Variants in MAD1L1 observed in about 807,000 individuals in gnomAD.
MAD1L1 encodes the protein mitotic arrest deficient 1 like 1.
A neutral mutation model predicts 96.9 loss-of-function variants in MAD1L1; 95 were observed. The ratio of observed to expected loss-of-function variants is 0.98; its 90% confidence interval spans 0.83 to 1.16. MAD1L1 has a LOEUF of 1.16. MAD1L1 is among the 50% of genes most tolerant of loss of function. MAD1L1 has a pLI of 0.00. For missense variants in MAD1L1, 1,007 were observed against 954.4 expected, an observed-to-expected ratio of 1.06 and a Z score of -0.73; for synonymous variants, 473 against 396.6, an observed-to-expected ratio of 1.19 and a Z score of -2.29.
intron 11 of MAD1L1, among the ~76,000 whole-genome samples, chr7:2,083,535 G>A (rs988482543): frequency 7.2e-5 from 11 of 152,222 alleles, no homozygotes; most frequent in African/African-American, 2.4e-4. Context: ...GTAAATCAGC[G>A]GAGAGGCCTC....
Position 2,071,285 on chromosome 7 carries a change from T to C in MAD1L1, c.1074-1947A>G, listed in dbSNP as rs149898879. 7.2e-5 allele frequency among the ~76,000 whole-genome samples: 11 copies of C among 152,342 alleles called. No individual in the cohort carries two copies. The South Asian group carries it at 1.9e-3, about 26-fold the overall frequency. On this transcript the variant is annotated intron_variant, in intron 11 of 18. Coordinates refer to ENST00000265854, the MANE Select transcript of MAD1L1 (RefSeq NM_001013836.2). ...ACACTCACAGAACGTCAGAAGGGAC[T>C]TGGTGGCGGTCCTGACCCAGCCAAG...
chr7:2,048,116 T>G (rs1784012764), intron 12 of MAD1L1, among the ~76,000 whole-genome samples: 1 of 152,130 alleles, frequency 6.6e-6, no homozygotes, highest in African/African-American at 2.4e-5. Context: ...ACGCACACAG[T>G]AATGCTCATG....
chr7:1,815,973 A>G lies in MAD1L1; in HGVS notation c.*97T>C, dbSNP rs1781772767. The stretch of plus-strand genomic sequence containing the variant: ...TCATGCTGCTGCCCTGTGGGGCTGG[A>G]GAGGCAGGACGTGCACCCAGCCTGT... On this transcript the variant is annotated 3_prime_UTR_variant, in exon 19 of 19. Transcript: ENST00000265854. The G allele has an allele frequency of 7.4e-7, 1 of 1,355,088 alleles. No individual in the cohort carries two copies. 83.9% of individuals were successfully genotyped at this position (1,355,088 alleles called of 1,614,324 possible). A position where few individuals can be genotyped will look rare whatever the true frequency, so the allele number is the denominator to read the frequency against.
chr7:1,925,377 G>A (rs4721204), intron 17 of MAD1L1, among the ~76,000 whole-genome samples: 1,714 of 152,256 alleles, frequency 0.011, 35 homozygotes, highest in East Asian at 0.083. Flanking sequence ...GTCTATTGGC[G>A]GCGCTATCAC....
At chr7:1,870,331 G>A (rs952537255) in intron 18 of MAD1L1, among the ~76,000 whole-genome samples, 30 of 145,932 alleles carry the variant, frequency 2.1e-4, no homozygotes, top group Non-Finnish European at 2.4e-4. Context: ...CGCCTGCCAC[G>A]GTGAACCTAC....
intron 10 of MAD1L1, among the ~76,000 whole-genome samples, chr7:2,209,201 C>G (rs3800932): frequency 2.0e-5 from 3 of 152,158 alleles, no homozygotes; most frequent in Non-Finnish European, 4.4e-5. Context: ...TTTCACTGAC[C>G]CACCCCAGCC....
chr7:1,925,974 A>C (rs1789064222), intron 17 of MAD1L1, among the ~76,000 whole-genome samples: 1 of 152,206 alleles, frequency 6.6e-6, no homozygotes, highest in Non-Finnish European at 1.5e-5. Flanking sequence ...CTAGGTCTCT[A>C]AGGAGATCAG....
intron 10 of MAD1L1, among the ~76,000 whole-genome samples, chr7:2,206,293 T>A (rs946250398): frequency 2.0e-5 from 3 of 152,264 alleles, no homozygotes; most frequent in African/African-American, 7.2e-5. Context: ...GTCTATGGTC[T>A]GCCTTTTCAC....
At chr7:2,215,741 T>C (rs1793233563) in intron 9 of MAD1L1, 144 bp downstream of exon 9, 12 of 727,704 alleles carry the variant, frequency 1.6e-5, no homozygotes, top group Non-Finnish European at 2.6e-5. Context: ...TGGACCTCTC[T>C]GGGGACCACG....
chr7:2,109,242 C>T (rs1262429979), intron 11 of MAD1L1, among the ~76,000 whole-genome samples: 4 of 152,220 alleles, frequency 2.6e-5, no homozygotes, highest in Non-Finnish European at 4.4e-5. Flanking sequence ...GCAACTTCCC[C>T]GGGCCTCGGC....
intron 10 of MAD1L1, among the ~76,000 whole-genome samples, chr7:2,156,149 G>A (rs1208614752): frequency 6.8e-6 from 1 of 146,640 alleles, no homozygotes; most frequent in Non-Finnish European, 1.5e-5. Context: ...CACGGCGGGT[G>A]TGGCGAGGGG....
intron 12 of MAD1L1, among the ~76,000 whole-genome samples, chr7:2,021,371 C>A (rs1024268212): frequency 1.3e-5 from 2 of 152,172 alleles, no homozygotes; most frequent in African/African-American, 4.8e-5. Context: ...GCCACTCAGG[C>A]AGCAGAGAGG....
At chr7:1,957,801 G>T in intron 15 of MAD1L1, 82 bp from the exon 16 acceptor site, 1 of 1,244,942 alleles carries the variant, frequency 8.0e-7, no homozygotes, top group Non-Finnish European at 1.2e-6. Flanking sequence ...ATAAGGAGGT[G>T]AAAGGTTAGG....
intron 5 of MAD1L1, among the ~76,000 whole-genome samples, chr7:2,220,723 C>T (rs892110603): frequency 1.8e-4 from 27 of 152,384 alleles, no homozygotes; most frequent in South Asian, 8.3e-4. Context: ...GGAAGGCCCG[C>T]ATGGGGGCTG....
chr7:1,956,734 G>A (rs193163378), intron 16 of MAD1L1, among the ~76,000 whole-genome samples: 4 of 152,368 alleles, frequency 2.6e-5, no homozygotes, highest in East Asian at 1.9e-4. Flanking sequence ...AGCACACGCC[G>A]TCTGCGCAGA....
At chr7:2,170,771 A>C (rs1052482323) in intron 10 of MAD1L1, among the ~76,000 whole-genome samples, 1 of 152,180 alleles carries the variant, frequency 6.6e-6, no homozygotes, top group Non-Finnish European at 1.5e-5. Context: ...CAGGAAGGCA[A>C]GGAGAGGAAA....
intron 18 of MAD1L1, among the ~76,000 whole-genome samples, chr7:1,822,633 G>A (rs1227111303): frequency 6.6e-6 from 1 of 151,518 alleles, no homozygotes; most frequent in East Asian, 1.9e-4. Flanking sequence ...GTGTTGCCCA[G>A]GCTGGTCTCC....
chr7:2,003,993 A>G (rs904650316), intron 13 of MAD1L1, among the ~76,000 whole-genome samples: 2 of 152,104 alleles, frequency 1.3e-5, no homozygotes, highest in Non-Finnish European at 2.9e-5. Flanking sequence ...AACGCACTTC[A>G]CCGAGCTGCA....
In MAD1L1 at chr7:2,014,629, A is replaced by C. The variant is rs1259593903; in HGVS notation, c.1232T>G (p.Met411Arg). The change falls in exon 13 of 19, where the codon ATG (methionine) becomes AGG (arginine). Residue 411 changes from methionine (M) to arginine (R), a missense_variant. Transcript: ENST00000265854. ...VLLLTKERDG[M>R]RAILGSYDSE... ...GTCGTAGGACCCCAGGATGGCCCGC[A>C]TACCGTCCCGCTCCTGTGGACACAG... is the stretch of plus-strand genomic sequence containing the variant. 1 of 1,611,414 alleles carries C rather than the reference A, an allele frequency of 6.2e-7. No homozygotes were observed. Among genetic ancestry groups the C allele is most frequent in the South Asian group, 1.1e-5 (1 of 90,750 alleles).
Sources: allele counts gnomAD v4.1 joint callset (sites outside exome capture counted in the v4.1 genomes callset), GRCh38; gene constraint gnomAD v4.1.1; transcripts MANE v1.5; gene names NCBI Gene and HGNC (gene_info 2026-07-23, HGNC 2026-07-21).